The following CPQ variants were observed in gnomAD, a reference collection of about 807,000 sequenced individuals.
CPQ encodes carboxypeptidase Q, also known as Ser-Met dipeptidase.
Under a neutral mutation model 45.7 loss-of-function variants are expected in CPQ, and 37 were observed. The ratio of observed to expected loss-of-function variants is 0.81; its 90% CI spans 0.62 to 1.07. The LOEUF (loss-of-function observed/expected upper bound fraction) is 1.07. CPQ is among the 50% of genes least tolerant of loss of function. The pLI is 0.00. For missense variants in CPQ, 537 were observed against 572.9 expected (o/e 0.94, Z 0.64); for synonymous variants, 186 against 205.8 (o/e 0.90, Z 0.82).
At chr8:96,847,865 G>A (rs1811717996) in intron 3 of CPQ, among the ~76,000 whole-genome samples, 1 of 130,912 alleles carries the variant, frequency 7.6e-6, no homozygotes, top group Non-Finnish European at 1.6e-5. Context: ...AAACTATGCA[G>A]CTCTGATGTT....
At chr8:97,078,164 A>G (rs1810882480) in intron 7 of CPQ, among the ~76,000 whole-genome samples, 1 of 152,148 alleles carries the variant, frequency 6.6e-6, no homozygotes, top group South Asian at 2.1e-4. Context: ...ACATCTTTAA[A>G]CTGGTTCTGA....
At chr8:96,658,730 A>G (rs897440537) in intron 1 of CPQ, among the ~76,000 whole-genome samples, 51 of 152,334 alleles carry the variant, frequency 3.3e-4, no homozygotes, top group Admixed American at 1.8e-3. Context: ...AGAATGTTCA[A>G]AGAGAGACAG....
chr8:96,854,557 A>AAAAAAAAACAC lies in CPQ; in HGVS notation c.641+19379_641+19380insAAAAAACACAA, dbSNP rs1554573253. On this transcript the variant is annotated intron_variant, in intron 3 of 7. Coordinates refer to ENST00000220763, the MANE Select transcript of CPQ (RefSeq NM_016134.4). The stretch of plus-strand genomic sequence containing the variant: ...AAAAAAAAAAAAAAAAAAAAAAAAA[A>AAAAAAAAACAC]AATGTGGTGGAACTAAAAGCCCAGT... 1.8e-3 allele frequency among the ~76,000 whole-genome samples: 140 copies of AAAAAAAAACAC among 76,884 alleles called. 22 individuals carry two copies. The Middle Eastern group carries it at 0.046, about 25-fold the overall frequency. The allele number at this position is 76,884 out of a possible 152,430, so 50.4% of individuals were successfully genotyped here. A position where few individuals can be genotyped will look rare whatever the true frequency, so the allele number is the denominator to read the frequency against.
intron 5 of CPQ, 79 bp downstream of exon 5, chr8:96,966,125 G>T: frequency 1.0e-6 from 1 of 971,584 alleles, no homozygotes; most frequent in Non-Finnish European, 1.6e-6. Context: ...ATACTTAACA[G>T]ATTAGTTACT....
chr8:96,878,405 G>C (rs535127841), intron 3 of CPQ, among the ~76,000 whole-genome samples: 1 of 152,318 alleles, frequency 6.6e-6, no homozygotes, highest in South Asian at 2.1e-4. Context: ...TGATTAATGT[G>C]TTTGAGGGTA....
chr8:96,683,112 A>G (rs1809173724), intron 1 of CPQ, among the ~76,000 whole-genome samples: 2 of 151,382 alleles, frequency 1.3e-5, no homozygotes, highest in Admixed American at 1.3e-4. Flanking sequence ...TGTGTATCTT[A>G]CTTTTATACT....
intron 3 of CPQ, among the ~76,000 whole-genome samples, chr8:96,850,135 A>G (rs1811751376): frequency 6.6e-6 from 1 of 152,156 alleles, no homozygotes; most frequent in Non-Finnish European, 1.5e-5. Context: ...TGCTCCCCAA[A>G]TGCTACGTAA....
chr8:97,061,518 G>A (rs1370439644), intron 6 of CPQ, among the ~76,000 whole-genome samples: 1 of 152,058 alleles, frequency 6.6e-6, no homozygotes. Flanking sequence ...TGGAATTCTG[G>A]CTGCACCACT....
At chr8:97,095,745 A>T (rs1811200613) in intron 7 of CPQ, among the ~76,000 whole-genome samples, 1 of 152,222 alleles carries the variant, frequency 6.6e-6, no homozygotes, top group Non-Finnish European at 1.5e-5. Context: ...AAGGCTTAGC[A>T]CAGAGAGCGT....
rs565349175 is a variant in CPQ, at chr8:96,919,126, C to T, written c.849+39121C>T. Among the ~76,000 whole-genome samples, 12 of 151,124 alleles carry T rather than the reference C, an allele frequency of 7.9e-5. No individual in the cohort carries two copies. In the South Asian group the frequency reaches 8.3e-4, roughly 10 times the overall value. On this transcript the variant is annotated intron_variant, in intron 4 of 7. Transcript: ENST00000220763. ...GTGGTTCAGTGTTACAGATGTCTTTCGCCTTTTTTTTTGTGCTGTTGGTTG... is the reference window on the plus strand; with the variant it reads ...GTGGTTCAGTGTTACAGATGTCTTTTGCCTTTTTTTTTGTGCTGTTGGTTG...
At chr8:96,752,665 T>C (rs1810276678) in intron 1 of CPQ, among the ~76,000 whole-genome samples, 1 of 152,200 alleles carries the variant, frequency 6.6e-6, no homozygotes, top group South Asian at 2.1e-4. Context: ...CAACACTATG[T>C]TGAACAGGAG....
chr8:97,035,266 C>A (rs1273792614), intron 6 of CPQ, among the ~76,000 whole-genome samples: 1 of 152,160 alleles, frequency 6.6e-6, no homozygotes, highest in African/African-American at 2.4e-5. Flanking sequence ...ACGAATGAAG[C>A]AAGAATATTC....
chr8:97,017,136 C>T (rs1469159010), intron 5 of CPQ, among the ~76,000 whole-genome samples: 4 of 152,172 alleles, frequency 2.6e-5, no homozygotes, highest in Non-Finnish European at 4.4e-5. Flanking sequence ...CATATATCCC[C>T]ACTGGAGAGG....
chr8:97,127,355 A>G (rs1379757226), intron 7 of CPQ, among the ~76,000 whole-genome samples: 1 of 152,168 alleles, frequency 6.6e-6, no homozygotes, highest in African/African-American at 2.4e-5. Flanking sequence ...AAGATACACC[A>G]ATCCCCAGTA....
At chr8:97,122,986 A>T (rs866086426) in intron 7 of CPQ, among the ~76,000 whole-genome samples, 846 of 67,812 alleles carry the variant, frequency 0.012, 63 homozygotes, top group Admixed American at 0.02. Context: ...TAAAATTAAA[A>T]TAAAATAAAA....
At chr8:97,136,698 A>T (rs1238886081) in intron 7 of CPQ, among the ~76,000 whole-genome samples, 1 of 152,224 alleles carries the variant, frequency 6.6e-6, no homozygotes, top group East Asian at 1.9e-4. Context: ...TCCCTTGGAA[A>T]TAATTTCCTA....
At chr8:97,031,067 C>T (rs1809893782) in intron 6 of CPQ, among the ~76,000 whole-genome samples, 1 of 151,916 alleles carries the variant, frequency 6.6e-6, no homozygotes, top group African/African-American at 2.4e-5. Context: ...ACATATGAAT[C>T]ATATTTAGAC....
chr8:97,113,616 T>C (rs1811536135), intron 7 of CPQ, among the ~76,000 whole-genome samples: 1 of 152,116 alleles, frequency 6.6e-6, no homozygotes, highest in African/African-American at 2.4e-5. Flanking sequence ...GCATTCCCAG[T>C]TGAGGGTGGC....
At chr8:96,673,584 G>T (rs1291881637) in intron 1 of CPQ, among the ~76,000 whole-genome samples, 1 of 152,084 alleles carries the variant, frequency 6.6e-6, no homozygotes, top group Non-Finnish European at 1.5e-5. Context: ...GGAAAGTTGG[G>T]GTTTTCCTTA....
Sources: gnomAD v4.1 joint callset for allele counts (sites outside exome capture counted in the v4.1 genomes callset) on GRCh38, gnomAD v4.1.1 for gene constraint, MANE v1.5 for transcripts, NCBI Gene and HGNC (gene_info 2026-07-23, HGNC 2026-07-21) for gene names.